The following GABRA1 variants were observed in gnomAD, a reference collection of about 807,000 sequenced individuals.
The protein encoded by GABRA1 is gamma-aminobutyric acid receptor subunit alpha-1.
A neutral mutation model predicts 48.9 loss-of-function variants in GABRA1; 9 were observed. That is an observed-to-expected ratio of 0.18 (90% CI 0.11 to 0.32). The LOEUF is 0.32. Among genes scored for constraint, GABRA1 ranks in the 10% least tolerant of loss-of-function variants. The probability of loss-of-function intolerance (pLI) is 1.00; values close to 1 mark genes in which losing one functional copy is unlikely to be tolerated. For synonymous variants in GABRA1, 210 were observed against 198.7 expected, an observed-to-expected ratio of 1.06 and a Z score of -0.48; for missense variants, 285 against 553.8, an observed-to-expected ratio of 0.51 and a Z score of 4.87.
rs1755536295 is a variant in GABRA1, at chr5:161,899,818, G to A, written c.*2396G>A. The A allele has an allele frequency of 1.3e-5, 2 of 152,222 alleles. No homozygotes were observed. Among genetic ancestry groups the A allele is most frequent in the South Asian group, 4.1e-4 (2 of 4,826 alleles). The allele number at this position is 152,222 out of a possible 1,614,324, so 9.4% of individuals were successfully genotyped here. A position where few individuals can be genotyped will look rare whatever the true frequency, so the allele number is the denominator to read the frequency against. Reference sequence around the variant, plus strand: ...TTATTGCACTTTAGTGCAGTGAAGTGGCAATAAAACCTAACATGAATCAAG... The same window carrying A: ...TTATTGCACTTTAGTGCAGTGAAGTAGCAATAAAACCTAACATGAATCAAG... On this transcript the variant is annotated 3_prime_UTR_variant, in exon 10 of 10. Transcript: ENST00000393943.
intron 1 of GABRA1, 24 bp from the exon 2 acceptor site, chr5:161,850,772 A>T: frequency 6.3e-7 from 1 of 1,575,942 alleles, no homozygotes; most frequent in Non-Finnish European, 8.7e-7. Context: ...AGAGACATTG[A>T]TCTCTACTTA....
At chr5:161,848,993 C>T (rs1561561895) in intron 1 of GABRA1, 1 of 455,322 alleles carries the variant, frequency 2.2e-6, no homozygotes, top group Non-Finnish European at 4.4e-6. Flanking sequence ...CCATTCTGAA[C>T]ACGAAAACTC....
At chr5:161,858,580 G>C (rs1757739116) in intron 3 of GABRA1, among the ~76,000 whole-genome samples, 1 of 151,616 alleles carries the variant, frequency 6.6e-6, no homozygotes, top group Non-Finnish European at 1.5e-5. Flanking sequence ...CAAGCTAAGG[G>C]TTTTTTCTTC....
chr5:161,849,998 G>A (rs1436458446), intron 1 of GABRA1: 1 of 152,122 alleles, frequency 6.6e-6, no homozygotes, highest in African/African-American at 2.4e-5. Context: ...GCTTCCATCT[G>A]TTTGAGATGA....
chr5:161,854,404 A>T (rs570124433), intron 3 of GABRA1, 134 bp downstream of exon 3: 1 of 692,586 alleles, frequency 1.4e-6, no homozygotes, highest in South Asian at 1.6e-5. Flanking sequence ...TTTTTAATGG[A>T]TCACTCTATG....
intron 3 of GABRA1, among the ~76,000 whole-genome samples, chr5:161,861,886 G>T (rs1757872479): frequency 6.6e-6 from 1 of 151,792 alleles, no homozygotes; most frequent in Non-Finnish European, 1.5e-5. Flanking sequence ...TCCATGTGGT[G>T]CCTACCTCTG....
chr5:161,865,312 ACTAT>A (rs1358846144), intron 3 of GABRA1, among the ~76,000 whole-genome samples: 1 of 152,138 alleles, frequency 6.6e-6, no homozygotes, highest in African/African-American at 2.4e-5. Flanking sequence ...GCTAAAGTAC[ACTAT>A]CTATTTCCCA....
intron 7 of GABRA1, among the ~76,000 whole-genome samples, chr5:161,890,091 C>G (rs1208390838): frequency 2.6e-5 from 4 of 151,904 alleles, no homozygotes; most frequent in Admixed American, 2.6e-4. Flanking sequence ...TAAGACTCTC[C>G]TGCAATTTGG....
intron 2 of GABRA1, among the ~76,000 whole-genome samples, chr5:161,852,101 A>G (rs1280686922): frequency 2.0e-5 from 3 of 152,104 alleles, no homozygotes; most frequent in African/African-American, 7.2e-5. Context: ...TTAGAAGTAA[A>G]GATGAAATGT....
At chr5:161,879,011 T>C (rs1411596134) in intron 6 of GABRA1, among the ~76,000 whole-genome samples, 2 of 152,208 alleles carry the variant, frequency 1.3e-5, no homozygotes, top group African/African-American at 4.8e-5. Context: ...TAGTGTCAAT[T>C]AGCAACTCTC....
rs531487733 is a variant in GABRA1 at position 161,871,035 on chromosome 5, T to C, written c.256-2082T>C. On this transcript the variant is annotated intron_variant, in intron 4 of 9. Transcript: ENST00000393943. Reference sequence around the variant, plus strand: ...TTGAAGGAAGAATGTCCTAAATGAATTTGGGGATTCCATTGTCTGTCATTA... The same window carrying C: ...TTGAAGGAAGAATGTCCTAAATGAACTTGGGGATTCCATTGTCTGTCATTA... Among the ~76,000 whole-genome samples the C allele has an allele frequency of 1.5e-4, 23 of 151,558 alleles. No individual in the cohort carries two copies. In the South Asian group the frequency reaches 4.6e-3, roughly 30 times the overall value.
chr5:161,856,924 T>A, intron 3 of GABRA1, among the ~76,000 whole-genome samples: 1 of 149,232 alleles, frequency 6.7e-6, no homozygotes, highest in Non-Finnish European at 1.5e-5. Flanking sequence ...TTATTGTGGC[T>A]TTTTTTTTAT....
chr5:161,881,766 G>T (rs1754622079), intron 6 of GABRA1: 1 of 152,096 alleles, frequency 6.6e-6, no homozygotes, highest in Non-Finnish European at 1.5e-5. Flanking sequence ...TCAAGCTTTT[G>T]CCTGCAATAG....
In GABRA1 at chr5:161,870,936, G is replaced by T. The variant is rs868858008; in HGVS notation, c.256-2181G>T. ...AAAATGGAAATGAAGATTAACCAGC[G>T]AGTGTTGCTCTGTGTGTGTGTGTGT... On this transcript the variant is annotated intron_variant, in intron 4 of 9. Coordinates refer to ENST00000393943, the MANE Select transcript of GABRA1 (RefSeq NM_001127644.2). 1.4e-4 allele frequency among the ~76,000 whole-genome samples: 21 copies of T among 148,698 alleles called. 1 individual carries two copies. The highest frequency in any genetic ancestry group is 6.8e-4 in the Admixed American group (10 of 14,752).
rs1165268929 is a variant in GABRA1, at chr5:161,898,333, G to C, written c.*911G>C. Reference sequence around the variant, plus strand: ...AAAATATTTTGCAAGCTCTGGAATTGTTGAATGTATTCTTTTATATAACTA... The same window carrying C: ...AAAATATTTTGCAAGCTCTGGAATTCTTGAATGTATTCTTTTATATAACTA... On this transcript the variant is annotated 3_prime_UTR_variant, in exon 10 of 10. Transcript: ENST00000393943. 6.6e-6 allele frequency: 1 copy of C among 152,534 alleles called. No individual in the cohort carries two copies. Among genetic ancestry groups the C allele is most frequent in the Non-Finnish European group, 1.5e-5 (1 of 67,990 alleles). 9.4% of individuals were successfully genotyped at this position (152,534 alleles called of 1,614,324 possible).
intron 3 of GABRA1, among the ~76,000 whole-genome samples, chr5:161,855,034 G>T (rs181498929): frequency 6.6e-6 from 1 of 151,452 alleles, no homozygotes; most frequent in Non-Finnish European, 1.5e-5. Flanking sequence ...AACAAGTGAA[G>T]CAAGGAAATA....
At chr5:161,865,626 A>G in intron 3 of GABRA1, 95 bp from the exon 4 acceptor site, 2 of 967,904 alleles carry the variant, frequency 2.1e-6, no homozygotes, top group Non-Finnish European at 3.4e-6. Flanking sequence ...CTAATCAAAG[A>G]CAATCAATTT....
intron 6 of GABRA1, among the ~76,000 whole-genome samples, chr5:161,877,713 G>C (rs1004536887): frequency 6.6e-6 from 1 of 152,182 alleles, no homozygotes; most frequent in South Asian, 2.1e-4. Context: ...AAGAATATTA[G>C]AGGTATTTTA....
intron 4 of GABRA1, among the ~76,000 whole-genome samples, chr5:161,868,958 C>T (rs1753993249): frequency 6.6e-6 from 1 of 152,186 alleles, no homozygotes; most frequent in African/African-American, 2.4e-5. Context: ...CCTAAAACCT[C>T]TGAACAAGAC....
Sources: allele counts gnomAD v4.1 joint callset (sites outside exome capture counted in the v4.1 genomes callset), GRCh38; gene constraint gnomAD v4.1.1; transcripts MANE v1.5; gene names NCBI Gene and HGNC (gene_info 2026-07-23, HGNC 2026-07-21).